LMOD1: variants seen among roughly 807,000 people sequenced by gnomAD.
LMOD1 encodes leiomodin-1.
Under a neutral mutation model 36.5 loss-of-function variants are expected in LMOD1, and 8 were observed. The observed-to-expected ratio is 0.22, with a 90% CI of 0.13 to 0.40. The LOEUF (loss-of-function observed/expected upper bound fraction) is 0.40, where lower values mean the gene tolerates loss of function less well. Among genes scored for constraint, LMOD1 ranks in the 10% least tolerant of loss-of-function variants. The pLI is 1.00. For synonymous variants in LMOD1, 284 were observed against 288.7 expected (o/e 0.98, Z 0.17); for missense variants, 630 against 751.1 (o/e 0.84, Z 1.88).
intron 1 of LMOD1, among the ~76,000 whole-genome samples, chr1:201,928,381 C>T (rs1681864381): frequency 6.6e-6 from 1 of 152,250 alleles, no homozygotes; most frequent in African/African-American, 2.4e-5. Context: ...TCCAGCCTCA[C>T]TACTTGGGCG....
chr1:201,940,937 G>A (rs1285287720), intron 1 of LMOD1, among the ~76,000 whole-genome samples: 1 of 151,772 alleles, frequency 6.6e-6, no homozygotes, highest in African/African-American at 2.4e-5. Flanking sequence ...AATAGAGAAG[G>A]GGTTTCTCCA....
At chr1:201,918,536 C>G (rs572438475) in intron 1 of LMOD1, among the ~76,000 whole-genome samples, 1 of 152,172 alleles carries the variant, frequency 6.6e-6, no homozygotes, top group African/African-American at 2.4e-5. Context: ...GGAACAGCCA[C>G]GCTGGGCTCT....
chr1:201,946,014 T>A, intron 1 of LMOD1, 66 bp downstream of exon 1: 1 of 1,508,092 alleles, frequency 6.6e-7, no homozygotes. Flanking sequence ...AGCATCCTAA[T>A]CATGAAGCCA....
intron 1 of LMOD1, among the ~76,000 whole-genome samples, chr1:201,914,750 C>T (rs1405135260): frequency 2.6e-5 from 4 of 151,886 alleles, no homozygotes; most frequent in African/African-American, 9.7e-5. Context: ...CAGGCTCACC[C>T]CTCCCCACGC....
chr1:201,917,147 C>T (rs889233493), intron 1 of LMOD1, among the ~76,000 whole-genome samples: 3 of 152,122 alleles, frequency 2.0e-5, no homozygotes, highest in African/African-American at 7.2e-5. Flanking sequence ...GCATGTGTCA[C>T]CAAACTCTGC....
chr1:201,917,871 C>A (rs1681637575), intron 1 of LMOD1, among the ~76,000 whole-genome samples: 1 of 152,190 alleles, frequency 6.6e-6, no homozygotes, highest in South Asian at 2.1e-4. Context: ...GGAGGCCTGG[C>A]TTTCATACAG....
At chr1:201,945,941 A>G in intron 1 of LMOD1, 139 bp downstream of exon 1, 1 of 853,308 alleles carries the variant, frequency 1.2e-6, no homozygotes, top group Non-Finnish European at 1.9e-6. Context: ...AGTTCAGTGG[A>G]TAATCATCAG....
intron 1 of LMOD1, among the ~76,000 whole-genome samples, chr1:201,943,847 T>C (rs1487422376): frequency 6.6e-6 from 1 of 152,194 alleles, no homozygotes; most frequent in Non-Finnish European, 1.5e-5. Context: ...AACTGAGGCT[T>C]AGATTAGGTA....
intron 1 of LMOD1, among the ~76,000 whole-genome samples, chr1:201,928,710 A>C (rs759091396): frequency 1.6e-4 from 24 of 152,208 alleles, no homozygotes; most frequent in Non-Finnish European, 3.1e-4. Context: ...GCAAATTATC[A>C]GCAAAAATAT....
In LMOD1 at chr1:201,898,493, A is replaced by G. The variant is rs138036710; in HGVS notation, c.1777-95T>C. 1,290 of 1,090,788 alleles carry G rather than the reference A, an allele frequency of 1.2e-3. 15 individuals are homozygous for G. In the African/African-American group the frequency reaches 0.018, roughly 15 times the overall value. The allele number at this position is 1,090,788 out of a possible 1,614,324, so 67.6% of individuals were successfully genotyped here. A position where few individuals can be genotyped will look rare whatever the true frequency, so the allele number is the denominator to read the frequency against. On this transcript the variant is annotated intron_variant, in intron 2 of 2. Transcript: ENST00000367288. Reference sequence around the variant, plus strand: ...GACACACAAGACACTGCAATATGTTATGTCTGTGGAATGTGAATGAGGTGT... The same window carrying G: ...GACACACAAGACACTGCAATATGTTGTGTCTGTGGAATGTGAATGAGGTGT...
At chr1:201,930,412 C>T (rs531347285) in intron 1 of LMOD1, among the ~76,000 whole-genome samples, 109 of 152,208 alleles carry the variant, frequency 7.2e-4, no homozygotes, top group African/African-American at 2.5e-3. Flanking sequence ...GCAGAAACAA[C>T]AGGATCCTAT....
chr1:201,935,648 C>T (rs575454672), intron 1 of LMOD1, among the ~76,000 whole-genome samples: 46 of 152,114 alleles, frequency 3.0e-4, no homozygotes, highest in South Asian at 6.2e-4. Context: ...CCTCCACCTC[C>T]TGGGTTCAAG....
intron 1 of LMOD1, among the ~76,000 whole-genome samples, chr1:201,920,863 TAAAAATAA>T: frequency 6.6e-6 from 1 of 151,540 alleles, no homozygotes; most frequent in East Asian, 1.9e-4. Flanking sequence ...ACCCTGTTTC[TAAAAATAA>T]AAATAAATAA....
intron 1 of LMOD1, among the ~76,000 whole-genome samples, chr1:201,901,652 A>G (rs1162725652): frequency 1.0e-4 from 9 of 89,000 alleles, no homozygotes; most frequent in African/African-American, 3.7e-4. Flanking sequence ...ATATATACAT[A>G]TATATGTGTA....
chr1:201,914,291 A>G (rs180925733), intron 1 of LMOD1, among the ~76,000 whole-genome samples: 17 of 152,258 alleles, frequency 1.1e-4, no homozygotes, highest in African/African-American at 3.1e-4. Context: ...TGTGAACCCT[A>G]ACACTCACAA....
At chr1:201,932,869 G>A (rs1168918764) in intron 1 of LMOD1, among the ~76,000 whole-genome samples, 1 of 152,126 alleles carries the variant, frequency 6.6e-6, no homozygotes, top group African/African-American at 2.4e-5. Context: ...CAAATTAGGT[G>A]GTATCATCCT....
chr1:201,921,709 C>A (rs188581640), intron 1 of LMOD1, among the ~76,000 whole-genome samples: 1 of 151,902 alleles, frequency 6.6e-6, no homozygotes, highest in Non-Finnish European at 1.5e-5. Flanking sequence ...GCCTATAATC[C>A]CAGCACTTTG....
chr1:201,911,562 G>T (rs1681497632), intron 1 of LMOD1, among the ~76,000 whole-genome samples: 1 of 152,196 alleles, frequency 6.6e-6, no homozygotes, highest in African/African-American at 2.4e-5. Context: ...CTACCCGGGA[G>T]GCTGAAGCAG....
intron 1 of LMOD1, among the ~76,000 whole-genome samples, chr1:201,903,928 C>T (rs1015699203): frequency 4.6e-5 from 7 of 152,228 alleles, no homozygotes; most frequent in African/African-American, 1.7e-4. Flanking sequence ...ACTGACTTCA[C>T]CTAGCAAGTT....
Sources: gnomAD v4.1 joint callset for allele counts (sites outside exome capture counted in the v4.1 genomes callset) on GRCh38, gnomAD v4.1.1 for gene constraint, MANE v1.5 for transcripts, NCBI Gene and HGNC (gene_info 2026-07-23, HGNC 2026-07-21) for gene names.